Variants in UBN2 observed in about 807,000 individuals in gnomAD.
UBN2 encodes ubinuclein-2.
UBN2 carries 35 observed loss-of-function variants against 120.2 expected under a neutral mutation model. That is an observed-to-expected ratio of 0.29 (90% CI 0.22 to 0.39). UBN2 has a LOEUF of 0.39. UBN2 is among the 10% of genes least tolerant of loss of function. The probability of loss-of-function intolerance (pLI) is 1.00; values close to 1 mark genes in which losing one functional copy is unlikely to be tolerated. For synonymous variants in UBN2, 661 were observed against 648.7 expected (o/e 1.02, Z -0.29); for missense variants, 1,693 against 1,663.2 (o/e 1.02, Z -0.31).
chr7:139,272,263 T>TGA, intron 8 of UBN2, 59 bp from the exon 9 acceptor site: 1 of 1,271,404 alleles, frequency 7.9e-7, no homozygotes, highest in Non-Finnish European at 1.1e-6. Context: ...TTTGAGGACC[T>TGA]GCTTACAAGA....
intron 15 of UBN2, among the ~76,000 whole-genome samples, chr7:139,289,904 T>C (rs1031168594): frequency 6.6e-6 from 1 of 151,306 alleles, no homozygotes; most frequent in African/African-American, 2.4e-5. Context: ...AAATTTTTTT[T>C]TTTTTCCGAG....
the UBN2 span, among the ~76,000 whole-genome samples, chr7:139,321,039 AC>A: frequency 6.6e-6 from 1 of 152,196 alleles, no homozygotes; most frequent in African/African-American, 2.4e-5. Context: ...GGAAGGGGTT[AC>A]TTTTTATAAT....
intron 17 of UBN2, among the ~76,000 whole-genome samples, chr7:139,295,088 CTT>C (rs1175195798): frequency 2.7e-4 from 37 of 137,428 alleles, no homozygotes; most frequent in Non-Finnish European, 3.2e-4. Flanking sequence ...CTAGGCCTCA[CTT>C]TTTTTTTTTT....
At chr7:139,281,943 A>G in intron 13 of UBN2, 62 bp from the exon 14 acceptor site, 1 of 1,539,328 alleles carries the variant, frequency 6.5e-7, no homozygotes, top group Non-Finnish European at 9.0e-7. Flanking sequence ...AAGCTTAGAA[A>G]AAATACTAAG....
At chr7:139,328,760 A>G in the UBN2 span, among the ~76,000 whole-genome samples, 4 of 151,592 alleles carry the variant, frequency 2.6e-5, no homozygotes, top group Non-Finnish European at 5.9e-5. Flanking sequence ...GCTATTCAGG[A>G]GGCTGAGGCA....
chr7:139,236,845 TATAAC>T (rs1796176005), intron 1 of UBN2, among the ~76,000 whole-genome samples, 155 bp from the exon 2 acceptor site: 1 of 152,028 alleles, frequency 6.6e-6, no homozygotes, highest in Non-Finnish European at 1.5e-5. Flanking sequence ...TAATTAATTA[TATAAC>T]ATGTTATATA....
intron 17 of UBN2, among the ~76,000 whole-genome samples, chr7:139,296,312 G>A (rs2131072478): frequency 6.6e-6 from 1 of 152,294 alleles, no homozygotes; most frequent in Non-Finnish European, 1.5e-5. Context: ...GTGAAAAACA[G>A]CCATAAGGAG....
intron 17 of UBN2, among the ~76,000 whole-genome samples, chr7:139,297,132 TG>T (rs889943833): frequency 3.4e-4 from 51 of 149,862 alleles, no homozygotes; most frequent in African/African-American, 1.2e-3. Context: ...AGGCAGAGGT[TG>T]CAGTGAGCTG....
chr7:139,240,749 T>C (rs1377220629), intron 2 of UBN2, among the ~76,000 whole-genome samples: 1 of 152,212 alleles, frequency 6.6e-6, no homozygotes, highest in African/African-American at 2.4e-5. Context: ...CATGTTCTGT[T>C]TCCTGTTATG....
In UBN2 at chr7:139,231,723, C is replaced by T. The variant is rs1796016610; in HGVS notation, c.239C>T (p.Ala80Val). The stretch of plus-strand genomic sequence containing the variant: ...CTCCCCCAGCGCGAGGTCAGCCGCG[C>T]CGAGCCGCCCATGTCGCTGCAGCGG... ...KPLPQREVSR[A>V]EPPMSLQREP... The change falls in exon 1 of 18, where the codon GCC (alanine) becomes GTC (valine). Residue 80 changes from alanine (A) to valine (V), a missense_variant. By Grantham distance (64) the Ala-to-Val change is moderately conservative. Around this residue, in one of 5 missense-constraint regions of UBN2, gnomAD observed 663 missense variants for 591.2 expected, o/e 1.12. Coordinates refer to ENST00000473989, the MANE Select transcript of UBN2 (RefSeq NM_173569.4). 4 of 1,184,278 alleles carry T rather than the reference C, an allele frequency of 3.4e-6. No homozygotes were observed. Among genetic ancestry groups the T allele is most frequent in the South Asian group, 3.8e-5 (1 of 26,340 alleles). 73.4% of individuals were successfully genotyped at this position (1,184,278 alleles called of 1,614,324 possible).
intron 4 of UBN2, 28 bp downstream of exon 4, chr7:139,258,653 C>A: frequency 6.6e-7 from 1 of 1,511,556 alleles, no homozygotes; most frequent in Non-Finnish European, 8.9e-7. Flanking sequence ...TGCAACAGTA[C>A]TGAGAATGTT....
At chr7:139,253,790 G>A (rs551035570) in intron 3 of UBN2, among the ~76,000 whole-genome samples, 1 of 152,328 alleles carries the variant, frequency 6.6e-6, no homozygotes, top group Admixed American at 6.5e-5. Flanking sequence ...CTGGGATTAT[G>A]ATATCCTCTG....
chr7:139,306,428 A>C lies in UBN2; in HGVS notation c.*8592A>C, dbSNP rs1798359104. The C allele has an allele frequency of 6.6e-6, 1 of 152,236 alleles. No individual in the cohort carries two copies. Among genetic ancestry groups the C allele is most frequent in the African/African-American group, 2.4e-5 (1 of 41,464 alleles). 9.4% of individuals were successfully genotyped at this position (152,236 alleles called of 1,614,324 possible). A position where few individuals can be genotyped will look rare whatever the true frequency, so the allele number is the denominator to read the frequency against. ...GAGGAATTAAAAAGAACTTATTCTCAGTTGACAAAAGTATTACTGTTATAC... is the reference window on the plus strand; with the variant it reads ...GAGGAATTAAAAAGAACTTATTCTCCGTTGACAAAAGTATTACTGTTATAC... On this transcript the variant is annotated 3_prime_UTR_variant, in exon 18 of 18. Transcript: ENST00000473989.
Position 139,283,090 on chromosome 7 carries a change from A to G in UBN2, c.2185A>G (p.Thr729Ala), listed in dbSNP as rs772537584. The G allele has an allele frequency of 3.1e-6, 5 of 1,613,122 alleles. No homozygotes were observed. The highest frequency in any genetic ancestry group is 4.5e-5 in the East Asian group (2 of 44,876). Reference protein sequence around the residue: ...SLVASVSGPPTSSSTAAIAAA... With the variant: ...SLVASVSGPPASSSTAAIAAA... Reference sequence around the variant, plus strand: ...GGTGGCTTCGGTTAGCGGTCCTCCAACGAGCTCCAGCACAGCTGCCATTGC... The same window carrying G: ...GGTGGCTTCGGTTAGCGGTCCTCCAGCGAGCTCCAGCACAGCTGCCATTGC... The change falls in exon 15 of 18, where the codon ACG (threonine) becomes GCG (alanine). Residue 729 changes from threonine to alanine, a missense_variant. Thr to Ala is a moderately conservative substitution (Grantham distance 58). Transcript: ENST00000473989.
intron 17 of UBN2, among the ~76,000 whole-genome samples, chr7:139,297,193 C>CAA (rs952689538): frequency 6.2e-4 from 35 of 56,368 alleles, no homozygotes; most frequent in South Asian, 1.1e-3. Flanking sequence ...GACTCCGTCT[C>CAA]AAAAAAAAAA....
intron 10 of UBN2, 64 bp from the exon 11 acceptor site, chr7:139,273,867 A>G: frequency 7.2e-7 from 1 of 1,392,842 alleles, no homozygotes; most frequent in Non-Finnish European, 9.7e-7. Flanking sequence ...CATAATCTGT[A>G]TTATTGCTGC....
chr7:139,258,616 G>C lies in UBN2; in HGVS notation c.792G>C (p.Lys264Asn), dbSNP rs368951598. The C allele has an allele frequency of 3.1e-6, 5 of 1,596,072 alleles. No homozygotes were observed. Among genetic ancestry groups the C allele is most frequent in the Non-Finnish European group, 4.3e-6 (5 of 1,170,462 alleles). The change falls in exon 4 of 18, where the codon AAG becomes AAC. Residue 264 changes from lysine (K) to asparagine (N), a missense_variant. By Grantham distance (94) the Lys-to-Asn change is moderately conservative. This residue lies in a region of UBN2 where 663 missense variants were observed against 591.2 expected (regional missense o/e 1.12). Transcript: ENST00000473989. ...EDDITDNQKH[K>N]PPKVPKIKED... ...ATATTACAGACAACCAAAAGCACAA[G>C]CCACCCAAGGTGAGTTTATCAAACA...
At chr7:139,246,570 TTAAA>T (rs770401043) in intron 2 of UBN2, among the ~76,000 whole-genome samples, 78 of 152,292 alleles carry the variant, frequency 5.1e-4, no homozygotes, top group Non-Finnish European at 4.6e-4. Context: ...GAGGTATAAT[TTAAA>T]TAAATATAAT....
Position 139,303,936 on chromosome 7 carries a change from A to T in UBN2, c.*6100A>T, listed in dbSNP as rs1334105011. On this transcript the variant is annotated 3_prime_UTR_variant, in exon 18 of 18. Transcript: ENST00000473989. ...ATTTTTCGTCAAGGTTGTGGAGCTA[A>T]AGTTAGATAAAGTTATGATGCTTGG... 6.6e-6 allele frequency: 1 copy of T among 152,168 alleles called. No individual in the cohort carries two copies. The highest frequency in any genetic ancestry group is 1.5e-5 in the Non-Finnish European group (1 of 68,026). The allele number at this position is 152,168 out of a possible 1,614,324, so 9.4% of individuals were successfully genotyped here. A position where few individuals can be genotyped will look rare whatever the true frequency, so the allele number is the denominator to read the frequency against.
Sources: gnomAD v4.1 joint callset for allele counts (sites outside exome capture counted in the v4.1 genomes callset) on GRCh38, gnomAD v4.1.1 for gene constraint, gnomAD v4.1.1 regional missense constraint, MANE v1.5 for transcripts, NCBI Gene and HGNC (gene_info 2026-07-23, HGNC 2026-07-21) for gene names.